Variants in EFR3B observed in about 807,000 individuals in gnomAD.
EFR3B encodes protein EFR3 homolog B.
EFR3B carries 64 observed loss-of-function variants against 104.7 expected under a neutral mutation model. The observed-to-expected ratio is 0.61, with a 90% CI of 0.50 to 0.75. The LOEUF (loss-of-function observed/expected upper bound fraction) is 0.75, where lower values mean the gene tolerates loss of function less well. Among genes scored for constraint, EFR3B ranks in the 30% least tolerant of loss-of-function variants. The pLI is 0.00. For synonymous variants in EFR3B, 385 were observed against 417.9 expected (o/e 0.92, Z 0.96); for missense variants, 750 against 1,078.5 (o/e 0.70, Z 4.27).
chr2:25,140,190 G>A (rs931438415), intron 16 of EFR3B, among the ~76,000 whole-genome samples: 2 of 152,132 alleles, frequency 1.3e-5, no homozygotes, highest in Admixed American at 6.6e-5. Flanking sequence ...GCGCACACCT[G>A]TAGTCCCAGC....
chr2:25,078,313 A>G (rs945208275), intron 1 of EFR3B, among the ~76,000 whole-genome samples: 7 of 152,228 alleles, frequency 4.6e-5, no homozygotes, highest in Admixed American at 3.3e-4. Context: ...TGTCCATGCC[A>G]TTAGCCCTGG....
intron 5 of EFR3B, among the ~76,000 whole-genome samples, chr2:25,123,969 C>G (rs907722304): frequency 6.6e-6 from 1 of 152,216 alleles, no homozygotes; most frequent in African/African-American, 2.4e-5. Flanking sequence ...CAGGCTGGCG[C>G]TGGTCACCCA....
chr2:25,088,451 G>A (rs1308782635), intron 1 of EFR3B, among the ~76,000 whole-genome samples: 3 of 152,128 alleles, frequency 2.0e-5, no homozygotes, highest in Admixed American at 1.3e-4. Flanking sequence ...TAAGGGCCTT[G>A]GTCGCTGTGG....
At chr2:25,054,611 G>A (rs2149165723) in intron 1 of EFR3B, among the ~76,000 whole-genome samples, 1 of 152,278 alleles carries the variant, frequency 6.6e-6, no homozygotes, top group South Asian at 2.1e-4. Context: ...CCTGACCCAT[G>A]CAAGTAATTT....
At chr2:25,079,720 G>A (rs1332279038) in intron 1 of EFR3B, among the ~76,000 whole-genome samples, 1 of 152,076 alleles carries the variant, frequency 6.6e-6, no homozygotes, top group Non-Finnish European at 1.5e-5. Flanking sequence ...TGCATTATAG[G>A]TTCTTTATAC....
chr2:25,115,466 C>T (rs888844754), intron 4 of EFR3B, among the ~76,000 whole-genome samples: 1 of 152,228 alleles, frequency 6.6e-6, no homozygotes, highest in Admixed American at 6.5e-5. Flanking sequence ...GGGAGCAACA[C>T]ATGTTCTGCT....
intron 1 of EFR3B, among the ~76,000 whole-genome samples, chr2:25,091,072 T>C (rs1669099554): frequency 6.6e-6 from 1 of 152,156 alleles, no homozygotes; most frequent in South Asian, 2.1e-4. Flanking sequence ...CATATGGCAC[T>C]GTGCCCAACC....
intron 3 of EFR3B, among the ~76,000 whole-genome samples, chr2:25,094,470 C>A (rs1160831720): frequency 6.6e-6 from 1 of 152,106 alleles, no homozygotes; most frequent in Non-Finnish European, 1.5e-5. Context: ...AAGCGACTTA[C>A]AGGAGAGGAG....
intron 1 of EFR3B, among the ~76,000 whole-genome samples, chr2:25,063,605 G>A (rs1668255397): frequency 6.6e-6 from 1 of 152,274 alleles, no homozygotes; most frequent in South Asian, 2.1e-4. Flanking sequence ...TCTGTAAAAT[G>A]GAGACGATAG....
chr2:25,102,649 A>G (rs1437861590), intron 3 of EFR3B, among the ~76,000 whole-genome samples: 3 of 152,134 alleles, frequency 2.0e-5, no homozygotes, highest in Non-Finnish European at 4.4e-5. Flanking sequence ...GGATTATTAC[A>G]ATTCAAGGTG....
At chr2:25,087,625 A>G (rs1357595323) in intron 1 of EFR3B, among the ~76,000 whole-genome samples, 1 of 151,878 alleles carries the variant, frequency 6.6e-6, no homozygotes, top group East Asian at 1.9e-4. Flanking sequence ...GGCACCCGCC[A>G]CCATGCCCAG....
At position 25,137,327 on chromosome 2, in the gene EFR3B, G is replaced by A. The variant is rs116074763; in HGVS notation, c.1561-14G>A. 61,807 of 1,551,694 alleles carry A rather than the reference G, an allele frequency of 0.04. 3,662 individuals are homozygous for A. The highest frequency in any genetic ancestry group is 0.29 in the African/African-American group (20,811 of 73,004). On this transcript the variant is annotated splice_polypyrimidine_tract_variant and intron_variant, in intron 14 of 22. Coordinates refer to ENST00000403714, the MANE Select transcript of EFR3B (RefSeq NM_014971.2). The surrounding 1 kb of genome is among the most constrained non-coding windows in gnomAD (Gnocchi z 4.7). ...TCCCTCCGACCCTGGCCTTCTGCCC[G>A]CTCCTGTCCCCAGCACTCCCAGCAG...
intron 5 of EFR3B, among the ~76,000 whole-genome samples, chr2:25,125,303 G>T (rs1023751273): frequency 8.5e-5 from 13 of 152,206 alleles, no homozygotes; most frequent in African/African-American, 3.1e-4. Context: ...CCAACCAGGC[G>T]TTGTTTCCTG....
chr2:25,113,013 C>A (rs1435639382), intron 4 of EFR3B, among the ~76,000 whole-genome samples: 1 of 152,058 alleles, frequency 6.6e-6, no homozygotes, highest in African/African-American at 2.4e-5. Context: ...CTTAGTAACC[C>A]TCAGTTTTCA....
intron 5 of EFR3B, among the ~76,000 whole-genome samples, chr2:25,125,444 T>C (rs1670136225): frequency 6.6e-6 from 1 of 152,142 alleles, no homozygotes; most frequent in Admixed American, 6.5e-5. Flanking sequence ...TCCTGATCGT[T>C]CATTCCCAAG....
At chr2:25,074,749 C>G (rs1437893487) in intron 1 of EFR3B, among the ~76,000 whole-genome samples, 2 of 151,406 alleles carry the variant, frequency 1.3e-5, no homozygotes, top group African/African-American at 4.9e-5. Context: ...TCCTGAGTAG[C>G]TGGGACTACA....
At chr2:25,058,861 C>A (rs2149167904) in intron 1 of EFR3B, among the ~76,000 whole-genome samples, 1 of 149,998 alleles carries the variant, frequency 6.7e-6, no homozygotes, top group Middle Eastern at 3.4e-3. Flanking sequence ...AAAAATGGTG[C>A]AGCCACTATG....
At chr2:25,084,176 G>A (rs1668885762) in intron 1 of EFR3B, among the ~76,000 whole-genome samples, 1 of 152,038 alleles carries the variant, frequency 6.6e-6, no homozygotes, top group Non-Finnish European at 1.5e-5. Flanking sequence ...TATGCCATGG[G>A]TTTGTGAACC....
intron 1 of EFR3B, among the ~76,000 whole-genome samples, chr2:25,052,383 G>GTAACTTC (rs1175761691): frequency 6.6e-6 from 1 of 151,272 alleles, no homozygotes; most frequent in East Asian, 1.9e-4. Flanking sequence ...TCGCTTCTTT[G>GTAACTTC]TAACTTCTTA....
Sources: gnomAD v4.1 joint callset for allele counts (sites outside exome capture counted in the v4.1 genomes callset) on GRCh38, gnomAD v4.1.1 for gene constraint, Gnocchi (gnomAD v3.1) non-coding constraint, MANE v1.5 for transcripts, NCBI Gene and HGNC (gene_info 2026-07-23, HGNC 2026-07-21) for gene names.